The following ARHGAP6 variants were observed in gnomAD, a reference collection of about 807,000 sequenced individuals.
ARHGAP6 encodes rho GTPase-activating protein 6.
Under a neutral mutation model 55.7 loss-of-function variants are expected in ARHGAP6, and 16 were observed. That is an observed-to-expected ratio of 0.29 (90% CI 0.19 to 0.44). ARHGAP6 has a LOEUF of 0.44. ARHGAP6 is among the 20% of genes least tolerant of loss of function. The pLI, the probability that ARHGAP6 is intolerant of heterozygous loss-of-function variation, is 1.00. For missense variants in ARHGAP6, 698 were observed against 808.9 expected (o/e 0.86, Z 1.66); for synonymous variants, 382 against 360.9 (o/e 1.06, Z -0.66).
chrX:11,174,576 T>TTC (rs1173312769), intron 8 of ARHGAP6, among the ~76,000 whole-genome samples: 2 of 78,147 alleles, frequency 2.6e-5, no homozygotes, highest in African/African-American at 9.5e-5. Flanking sequence ...CTTCCTTCCT[T>TTC]TCTTTCTTTC....
At chrX:11,358,774 G>A (rs2048971246) in intron 1 of ARHGAP6, among the ~76,000 whole-genome samples, 1 of 111,578 alleles carries the variant, frequency 9.0e-6, no homozygotes. Flanking sequence ...GAGCCACCGT[G>A]CCCGGCCTTA....
intron 1 of ARHGAP6, among the ~76,000 whole-genome samples, chrX:11,463,758 G>A (rs1431895431): frequency 8.9e-6 from 1 of 112,430 alleles, no homozygotes; most frequent in Admixed American, 9.4e-5. Flanking sequence ...TGTTCAGTCG[G>A]TGTCTGTCTT....
intron 1 of ARHGAP6, among the ~76,000 whole-genome samples, chrX:11,631,398 G>A (rs1476985433): frequency 1.8e-5 from 2 of 109,847 alleles, no homozygotes; most frequent in Admixed American, 9.8e-5. Context: ...GGTGGCAGGC[G>A]CCTGTAATCC....
At chrX:11,503,009 C>T (rs1046242982) in intron 1 of ARHGAP6, among the ~76,000 whole-genome samples, 1 of 110,975 alleles carries the variant, frequency 9.0e-6, no homozygotes, top group African/African-American at 3.3e-5. Flanking sequence ...GATTCTCTTG[C>T]CTCAGCCTCC....
At chrX:11,637,843 C>G (rs1347967481) in intron 1 of ARHGAP6, among the ~76,000 whole-genome samples, 1 of 109,662 alleles carries the variant, frequency 9.1e-6, no homozygotes, top group African/African-American at 3.3e-5. Context: ...TTGGGATTCT[C>G]TCAAATTGGT....
At chrX:11,392,222 G>A (rs756917862) in intron 1 of ARHGAP6, among the ~76,000 whole-genome samples, 9 of 111,735 alleles carry the variant, frequency 8.1e-5, no homozygotes, top group Admixed American at 2.9e-4. Flanking sequence ...ATTAATACAG[G>A]TAACTTGCCC....
intron 7 of ARHGAP6, among the ~76,000 whole-genome samples, chrX:11,178,816 A>G (rs2046272193): frequency 1.8e-5 from 2 of 110,890 alleles, no homozygotes; most frequent in South Asian, 7.6e-4. Flanking sequence ...TCTCTCCTCT[A>G]CCTCCTCCTT....
chrX:11,637,119 A>C (rs2052427729), intron 1 of ARHGAP6, among the ~76,000 whole-genome samples: 1 of 111,768 alleles, frequency 8.9e-6, no homozygotes, highest in Non-Finnish European at 1.9e-5. Flanking sequence ...TTACGCAGAA[A>C]ATCTTGACTG....
intron 1 of ARHGAP6, among the ~76,000 whole-genome samples, chrX:11,590,874 G>GA (rs1255522298): frequency 5.4e-4 from 27 of 49,865 alleles, no homozygotes; most frequent in Admixed American, 1.0e-3. Context: ...AAGAAGGAAA[G>GA]AAAGAAAGAA....
At chrX:11,272,543 T>C (rs2047705043) in intron 1 of ARHGAP6, among the ~76,000 whole-genome samples, 1 of 109,920 alleles carries the variant, frequency 9.1e-6, no homozygotes, top group African/African-American at 3.3e-5. Context: ...GCACTCTCCA[T>C]ATATTCCTTC....
chrX:11,499,997 G>A (rs1231317156), intron 1 of ARHGAP6, among the ~76,000 whole-genome samples: 1 of 111,953 alleles, frequency 8.9e-6, no homozygotes, highest in East Asian at 2.8e-4. Flanking sequence ...TTTTTTATTT[G>A]CATAATTTTC....
At chrX:11,640,301 G>A (rs1323617880) in intron 1 of ARHGAP6, among the ~76,000 whole-genome samples, 3 of 111,499 alleles carry the variant, frequency 2.7e-5, no homozygotes, top group Non-Finnish European at 5.7e-5. Context: ...GCTTGTGTCT[G>A]CATTTTGCCT....
At chrX:11,310,748 A>G (rs111394345) in intron 1 of ARHGAP6, among the ~76,000 whole-genome samples, 2,932 of 111,300 alleles carry the variant, frequency 0.026, 39 homozygotes, top group Middle Eastern at 0.065. Flanking sequence ...AGCTACAACC[A>G]CTGGTCCCCA....
chrX:11,547,877 G>C (rs897198721), intron 1 of ARHGAP6, among the ~76,000 whole-genome samples: 9 of 111,958 alleles, frequency 8.0e-5, no homozygotes, highest in African/African-American at 2.9e-4. Context: ...AGTTTCCTAA[G>C]TGAAGGGAAT....
At chrX:11,419,171 C>T (rs763162322) in intron 1 of ARHGAP6, among the ~76,000 whole-genome samples, 8 of 112,304 alleles carry the variant, frequency 7.1e-5, no homozygotes, top group Non-Finnish European at 1.3e-4. Flanking sequence ...AGTCAGTGGG[C>T]TCTGGTAACG....
At chrX:11,519,782 A>G (rs1464565592) in intron 1 of ARHGAP6, among the ~76,000 whole-genome samples, 3 of 108,092 alleles carry the variant, frequency 2.8e-5, no homozygotes, top group Middle Eastern at 4.6e-3. Context: ...CTGGCTAGCC[A>G]TATGTAGAAA....
intron 1 of ARHGAP6, among the ~76,000 whole-genome samples, chrX:11,319,958 A>G (rs1181863413): frequency 1.8e-5 from 2 of 112,423 alleles, no homozygotes; most frequent in Non-Finnish European, 3.8e-5. Flanking sequence ...GGGGGAAAAT[A>G]TCACACAGAA....
At chrX:11,265,662 A>C in intron 1 of ARHGAP6, 1 of 832,797 alleles carries the variant, frequency 1.2e-6, no homozygotes, top group Non-Finnish European at 1.5e-6. Context: ...AAGTAGTGTA[A>C]GTATAGATAT....
chrX:11,539,384 C>G (rs2051134748), intron 1 of ARHGAP6, among the ~76,000 whole-genome samples: 1 of 112,248 alleles, frequency 8.9e-6, no homozygotes, highest in Admixed American at 9.4e-5. Flanking sequence ...ATTGAGAGGA[C>G]TTTGGAATAT....
Sources: allele counts gnomAD v4.1 joint callset (sites outside exome capture counted in the v4.1 genomes callset), GRCh38; gene constraint gnomAD v4.1.1; transcripts MANE v1.5; gene names NCBI Gene and HGNC (gene_info 2026-07-23, HGNC 2026-07-21).